Variants in TARBP1 observed in about 807,000 individuals in gnomAD.
TARBP1 encodes the protein tRNA (guanosine(18)-2'-O)-methyltransferase TARBP1.
TARBP1 carries 144 observed loss-of-function variants against 178.6 expected under a neutral mutation model. The observed-to-expected ratio is 0.81, with a 90% CI of 0.70 to 0.93. The LOEUF (loss-of-function observed/expected upper bound fraction) is 0.93, where lower values mean the gene tolerates loss of function less well. Ranked by LOEUF, TARBP1 falls within the 40% of genes least tolerant of loss-of-function variation. The probability of loss-of-function intolerance (pLI) is 0.00; values close to 1 mark genes in which losing one functional copy is unlikely to be tolerated. For missense variants in TARBP1, 2,067 were observed against 2,011.7 expected, an observed-to-expected ratio of 1.03 and a Z score of -0.53; for synonymous variants, 787 against 781.0, an observed-to-expected ratio of 1.01 and a Z score of -0.13.
At chr1:234,403,863 T>C (rs1053410642) in intron 24 of TARBP1, among the ~76,000 whole-genome samples, 1 of 152,130 alleles carries the variant, frequency 6.6e-6, no homozygotes, top group South Asian at 2.1e-4. Flanking sequence ...TTTGTATTTT[T>C]AGTAGAGACA....
At chr1:234,432,061 T>TG (rs1168106097) in intron 14 of TARBP1, among the ~76,000 whole-genome samples, 3 of 124,518 alleles carry the variant, frequency 2.4e-5, no homozygotes, top group Non-Finnish European at 5.1e-5. Flanking sequence ...CGCTTGAACC[T>TG]GGGGGGCCAA....
chr1:234,444,307 G>A (rs1019710822), intron 12 of TARBP1, among the ~76,000 whole-genome samples: 5 of 152,122 alleles, frequency 3.3e-5, no homozygotes, highest in Admixed American at 2.0e-4. Context: ...ATAACCCAGT[G>A]TAATGAAAGG....
chr1:234,453,687 A>G (rs1667012783), intron 9 of TARBP1, among the ~76,000 whole-genome samples: 2 of 152,200 alleles, frequency 1.3e-5, no homozygotes, highest in South Asian at 4.1e-4. Flanking sequence ...CTACATAACA[A>G]AAGTTATAGG....
chr1:234,463,802 A>C, intron 6 of TARBP1, 35 bp downstream of exon 6: 1 of 1,301,688 alleles, frequency 7.7e-7, no homozygotes. Flanking sequence ...CTGTAAGCTA[A>C]AGCATTTTTA....
chr1:234,455,262 T>A (rs1667159264), intron 9 of TARBP1, among the ~76,000 whole-genome samples: 2 of 152,166 alleles, frequency 1.3e-5, no homozygotes, highest in African/African-American at 4.8e-5. Context: ...GGAGGGAAAC[T>A]GGGCAATCCC....
At chr1:234,395,356 A>C (rs1362177499) in intron 26 of TARBP1, among the ~76,000 whole-genome samples, 1 of 152,208 alleles carries the variant, frequency 6.6e-6, no homozygotes, top group Non-Finnish European at 1.5e-5. Context: ...GAAAACCATT[A>C]AGGGGCTTTT....
intron 21 of TARBP1, among the ~76,000 whole-genome samples, chr1:234,419,122 G>A (rs561793253): frequency 7.8e-4 from 118 of 152,114 alleles, no homozygotes; most frequent in African/African-American, 2.8e-3. Flanking sequence ...GCAGTGAGCC[G>A]AGATCGTGCC....
chr1:234,436,159 CCAAA>C (rs1423097506), intron 13 of TARBP1, among the ~76,000 whole-genome samples: 21 of 152,236 alleles, frequency 1.4e-4, no homozygotes, highest in East Asian at 1.3e-3. Context: ...GCTTCAAAAT[CCAAA>C]CAAACAAAAA....
At position 234,446,789 on chromosome 1, in the gene TARBP1, C is replaced by T; in HGVS notation, c.2134+14G>A. On this transcript the variant is annotated intron_variant, in intron 12 of 29. Transcript: ENST00000040877. ...ATATCAAGCAAGATACCAAGAGAAA[C>T]AACTTATCCTCACCATCTTGGGCAC... 1 of 1,610,654 alleles carries T rather than the reference C, an allele frequency of 6.2e-7. No homozygotes were observed. The highest frequency in any genetic ancestry group is 8.5e-7 in the Non-Finnish European group (1 of 1,178,496).
At chr1:234,414,181 G>GT (rs1662161907) in intron 22 of TARBP1, among the ~76,000 whole-genome samples, 1 of 152,174 alleles carries the variant, frequency 6.6e-6, no homozygotes, top group Non-Finnish European at 1.5e-5. Context: ...ACTCTGCCAC[G>GT]TTAGCACAAA....
chr1:234,413,823 T>C (rs1050994880), intron 22 of TARBP1, among the ~76,000 whole-genome samples: 3 of 152,124 alleles, frequency 2.0e-5, no homozygotes, highest in Non-Finnish European at 4.4e-5. Flanking sequence ...TAGCGTCGAC[T>C]GAGATACAAT....
chr1:234,417,078 A>G (rs981309473), intron 22 of TARBP1, among the ~76,000 whole-genome samples: 6 of 152,256 alleles, frequency 3.9e-5, no homozygotes, highest in African/African-American at 1.2e-4. Context: ...AGCCACTACC[A>G]ATGCGAAGGC....
At chr1:234,465,250 G>C (rs1180283059) in intron 5 of TARBP1, among the ~76,000 whole-genome samples, 1 of 152,182 alleles carries the variant, frequency 6.6e-6, no homozygotes, top group African/African-American at 2.4e-5. Context: ...AGGGAAATGA[G>C]AATTCTTTGG....
intron 2 of TARBP1, among the ~76,000 whole-genome samples, chr1:234,472,396 GA>G (rs988621561): frequency 8.4e-6 from 1 of 119,528 alleles, no homozygotes; most frequent in Non-Finnish European, 1.7e-5. Context: ...TACTGAACCA[GA>G]AAGTCTGAGG....
At chr1:234,403,699 T>G (rs532021343) in intron 24 of TARBP1, among the ~76,000 whole-genome samples, 1 of 152,314 alleles carries the variant, frequency 6.6e-6, no homozygotes, top group South Asian at 2.1e-4. Flanking sequence ...TTTATTTATT[T>G]TTGAGACAGA....
intron 13 of TARBP1, among the ~76,000 whole-genome samples, chr1:234,434,910 G>C (rs925355341): frequency 6.6e-6 from 1 of 152,180 alleles, no homozygotes; most frequent in South Asian, 2.1e-4. Flanking sequence ...TGACATCATA[G>C]AAGTTAAGCA....
intron 24 of TARBP1, 103 bp downstream of exon 24, chr1:234,405,800 T>G (rs888196985): frequency 7.3e-5 from 81 of 1,109,250 alleles, no homozygotes; most frequent in Middle Eastern, 2.5e-4. Context: ...GACGGCAGCA[T>G]GAGGATGTGG....
intron 1 of TARBP1, among the ~76,000 whole-genome samples, chr1:234,475,468 A>C (rs1280854605): frequency 1.3e-5 from 2 of 152,256 alleles, no homozygotes; most frequent in Non-Finnish European, 2.9e-5. Flanking sequence ...GATATCCTGC[A>C]CTGATACAAA....
rs189396071 is a variant in TARBP1 at position 234,425,778 on chromosome 1, G to T, written c.3339C>A (p.Asp1113Glu). The change falls in exon 20 of 30, where the codon GAC (aspartate) becomes GAA (glutamate). Residue 1113 changes from aspartate (D) to glutamate (E), a missense_variant. Transcript: ENST00000040877. ...TGACAGCACAAATTCTCACATAATGGTCTTCTCTCTTAGTACTAAAAAAAT... is the reference window on the plus strand; with the variant it reads ...TGACAGCACAAATTCTCACATAATGTTCTTCTCTCTTAGTACTAAAAAAAT... ...NIVMENTKRE[D>E]HYVRICAVKF... 11 of 1,586,484 alleles carry T rather than the reference G, an allele frequency of 6.9e-6. No individual in the cohort carries two copies. In the Admixed American group the frequency reaches 1.0e-4, roughly 15 times the overall value.
Sources: gnomAD v4.1 joint callset for allele counts (sites outside exome capture counted in the v4.1 genomes callset) on GRCh38, gnomAD v4.1.1 for gene constraint, MANE v1.5 for transcripts, NCBI Gene and HGNC (gene_info 2026-07-23, HGNC 2026-07-21) for gene names.